Variants in SYTL2 observed in about 807,000 individuals in gnomAD.
SYTL2 encodes synaptotagmin-like protein 2.
SYTL2 carries 165 observed loss-of-function variants against 198.7 expected under a neutral mutation model. The observed-to-expected ratio is 0.83, with a 90% confidence interval of 0.73 to 0.94. The LOEUF is 0.94. Ranked by LOEUF, SYTL2 falls within the 40% of genes least tolerant of loss-of-function variation. The pLI is 0.00. For missense variants in SYTL2, 2,835 were observed against 2,582.8 expected (o/e 1.10, Z -2.12); for synonymous variants, 966 against 917.7 (o/e 1.05, Z -0.95).
chr11:85,724,787 G>C lies in SYTL2; in HGVS notation c.4571C>G (p.Ser1524Cys), dbSNP rs1189124655. 1.2e-6 allele frequency: 2 copies of C among 1,613,014 alleles called. No individual in the cohort carries two copies. The highest frequency in any genetic ancestry group is 8.5e-7 in the Non-Finnish European group (1 of 1,179,690). The part of the protein sequence containing the change: ...SKYESDTGNL[S>C]PSKLIGSTEE... ...TGTACTACCTATTAACTTTGATGGA[G>C]AAAGATTCCCTGTATCACTTTCATA... The change falls in exon 8 of 20, where the codon TCT (serine) becomes TGT (cysteine). Residue 1524 changes from serine (S) to cysteine (C), a missense_variant. Around this residue, in one of 3 missense-constraint regions of SYTL2, gnomAD observed 2,645 missense variants for 2,381.7 expected, o/e 1.11. Transcript: ENST00000359152.
intron 1 of SYTL2, among the ~76,000 whole-genome samples, chr11:85,776,871 T>C (rs1189579595): frequency 6.6e-6 from 1 of 152,192 alleles, no homozygotes; most frequent in Admixed American, 6.5e-5. Flanking sequence ...TATTTCTTTA[T>C]AGCAACACAA....
chr11:85,748,278 T>C lies in SYTL2; in HGVS notation c.247A>G (p.Ile83Val), dbSNP rs780582062. 3.7e-6 allele frequency: 6 copies of C among 1,613,230 alleles called. No individual in the cohort carries two copies. The highest frequency in any genetic ancestry group is 5.1e-6 in the Non-Finnish European group (6 of 1,179,382). The change falls in exon 3 of 20, where the codon ATA becomes GTA. Residue 83 changes from isoleucine (I) to valine (V), a missense_variant. Physicochemically the swap from Ile to Val is conservative, Grantham distance 29 (BLOSUM62 3). Transcript: ENST00000359152. ...RASMRKKRPQ[I>V]AAEQSKDREN... The stretch of plus-strand genomic sequence containing the variant: ...ACTAGCCAAGTCAACTCACCTGCTA[T>C]CTGGGGCCTCTTCTTTCTCATAGAT...
chr11:85,794,727 C>T (rs921933689), intron 1 of SYTL2, among the ~76,000 whole-genome samples: 15 of 151,946 alleles, frequency 9.9e-5, no homozygotes, highest in Admixed American at 7.2e-4. Context: ...TTGCTGGGGA[C>T]GTACAGGAAG....
chr11:85,845,601 A>G, the SYTL2 span, among the ~76,000 whole-genome samples: 1 of 152,046 alleles, frequency 6.6e-6, no homozygotes, highest in African/African-American at 2.4e-5. Flanking sequence ...GGTCTCTACA[A>G]AAAAAAATTA....
Position 85,734,011 on chromosome 11 carries a change from TTGG to T in SYTL2, c.1315_1317del (p.Pro439del). ...GATTTATCTTTGGGTTCATTGATGG[TTGG>T]TGAATTCTCCATAGACTGTGGTCTT... On this transcript the variant is annotated inframe_deletion, in exon 7 of 20. Coordinates refer to ENST00000359152, the MANE Select transcript of SYTL2 (RefSeq NM_206927.4). 1 of 1,614,120 alleles carries T rather than the reference TTGG, an allele frequency of 6.2e-7. No individual in the cohort carries two copies. Among genetic ancestry groups the T allele is most frequent in the East Asian group, 2.2e-5 (1 of 44,876 alleles).
intron 1 of SYTL2, among the ~76,000 whole-genome samples, chr11:85,791,603 G>A (rs1231707906): frequency 6.6e-6 from 1 of 152,156 alleles, no homozygotes; most frequent in Non-Finnish European, 1.5e-5. Context: ...CCATCTAACT[G>A]CCATCTGTTC....
At chr11:85,844,318 G>C in the SYTL2 span, among the ~76,000 whole-genome samples, 1 of 152,176 alleles carries the variant, frequency 6.6e-6, no homozygotes, top group Admixed American at 6.5e-5. Flanking sequence ...CATATGAAGC[G>C]TGTAGGGAGT....
At chr11:85,846,802 C>T in the SYTL2 span, among the ~76,000 whole-genome samples, 2,976 of 148,118 alleles carry the variant, frequency 0.02, 93 homozygotes, top group African/African-American at 0.071. Context: ...GGCACAGTCT[C>T]GCCTCACTGC....
chr11:85,812,987 C>T (rs2093054974), upstream of SYTL2, among the ~76,000 whole-genome samples: 1 of 152,166 alleles, frequency 6.6e-6, no homozygotes, highest in Admixed American at 6.5e-5. Context: ...GTCTTGCTCA[C>T]CTCTGGGTGC....
intron 16 of SYTL2, among the ~76,000 whole-genome samples, chr11:85,702,899 A>G (rs573876381): frequency 6.6e-6 from 1 of 152,368 alleles, no homozygotes; most frequent in African/African-American, 2.4e-5. Context: ...TTTGCATGCT[A>G]TATTTTTAAA....
intron 2 of SYTL2, among the ~76,000 whole-genome samples, chr11:85,753,559 T>G (rs775174761): frequency 6.6e-6 from 1 of 152,082 alleles, no homozygotes; most frequent in African/African-American, 2.4e-5. Context: ...TATGTCTCTG[T>G]GCAACACTCA....
At chr11:85,832,912 C>G in the SYTL2 span, among the ~76,000 whole-genome samples, 1 of 150,488 alleles carries the variant, frequency 6.6e-6, no homozygotes, top group Admixed American at 6.7e-5. Flanking sequence ...GGGAGGATCA[C>G]TTGAGCCCAG....
the SYTL2 span, among the ~76,000 whole-genome samples, chr11:85,827,612 T>C: frequency 6.6e-6 from 1 of 152,194 alleles, no homozygotes; most frequent in East Asian, 1.9e-4. Flanking sequence ...TTTTGTCCAC[T>C]GTGGCCAGCA....
rs151237624 is a variant in SYTL2, at chr11:85,727,905, G to A, written c.1453C>T (p.Arg485Cys). The A allele has an allele frequency of 2.0e-3, 3,299 of 1,613,704 alleles. 12 individuals are homozygous for A. The highest frequency in any genetic ancestry group is 2.6e-3 in the Non-Finnish European group (3,124 of 1,179,862). The change falls in exon 8 of 20, where the codon CGT (arginine) becomes TGT (cysteine). Residue 485 changes from arginine to cysteine, a missense_variant. Arg to Cys is a radical substitution (Grantham distance 180, BLOSUM62 -3). This residue lies in a region of SYTL2 where 2,645 missense variants were observed against 2,381.7 expected (regional missense o/e 1.11). Transcript: ENST00000359152. Reference protein sequence around the residue: ...SQVPGGSSRDRQQGKPPPLPA... With the variant: ...SQVPGGSSRDCQQGKPPPLPA... ...AGAGGAGGGGGCTTACCTTGCTGAC[G>A]GTCTCTAGAACTGCCACCTGGCACC... is the stretch of plus-strand genomic sequence containing the variant.
the SYTL2 span, among the ~76,000 whole-genome samples, chr11:85,852,394 T>C: frequency 2.0e-5 from 3 of 151,780 alleles, no homozygotes; most frequent in Non-Finnish European, 4.4e-5. Context: ...TCCCTCTCCC[T>C]CTCTATCCAC....
intron 4 of SYTL2, among the ~76,000 whole-genome samples, chr11:85,741,115 T>C (rs1445381371): frequency 1.3e-5 from 2 of 152,046 alleles, no homozygotes; most frequent in Non-Finnish European, 2.9e-5. Context: ...TAGAACCAAA[T>C]TCTACAAGTG....
At chr11:85,852,376 C>T in the SYTL2 span, among the ~76,000 whole-genome samples, 2 of 151,954 alleles carry the variant, frequency 1.3e-5, no homozygotes, top group African/African-American at 4.8e-5. Context: ...CTCCCTCTCC[C>T]CACGGTCTCC....
At position 85,714,674 on chromosome 11, in the gene SYTL2, A is replaced by C. The variant is rs1244308704; in HGVS notation, c.5531-167T>G. The C allele has an allele frequency of 3.0e-6, 4 of 1,348,450 alleles. No homozygotes were observed. The African/African-American group carries it at 5.9e-5, about 20-fold the overall frequency. The allele number at this position is 1,348,450 out of a possible 1,614,324, so 83.5% of individuals were successfully genotyped here. On this transcript the variant is annotated intron_variant, in intron 11 of 19. Transcript: ENST00000359152. ...CAGGATCATGAGATTAGCAACATGC[A>C]GTTTTTATAAATTATATAGAGAGAG...
rs138298146 is a variant in SYTL2, at chr11:85,748,390, C to G, written c.135G>C (p.Gln45His). 1.2e-6 allele frequency: 2 copies of G among 1,613,998 alleles called. No individual in the cohort carries two copies. The highest frequency in any genetic ancestry group is 1.7e-6 in the Non-Finnish European group (2 of 1,179,928). ...ACCATTGGCCACTCATATTCTTCAGCTGCTGGTCATCCTTAATTTTTTCAG... is the reference window on the plus strand; with the variant it reads ...ACCATTGGCCACTCATATTCTTCAGGTGCTGGTCATCCTTAATTTTTTCAG... ...HLPEKIKDDQ[Q>H]LKNMSGQWFY... is the part of the protein sequence containing the mutation. Residue 45 changes from glutamine (Q) to histidine (H), a missense_variant, in exon 3 of 20, where the codon CAG becomes CAC. Gln to His is a conservative substitution (Grantham distance 24, BLOSUM62 0). Transcript: ENST00000359152.
Sources: allele counts gnomAD v4.1 joint callset (sites outside exome capture counted in the v4.1 genomes callset), GRCh38; gene constraint gnomAD v4.1.1; regional missense constraint gnomAD v4.1.1; transcripts MANE v1.5; gene names NCBI Gene and HGNC (gene_info 2026-07-23, HGNC 2026-07-21).